Variants in DNM2 observed in about 807,000 individuals in gnomAD.
DNM2 encodes the protein dynamin 2.
Under a neutral mutation model 99.0 loss-of-function variants are expected in DNM2, and 15 were observed. That is an observed-to-expected ratio of 0.15 (90% CI 0.10 to 0.23). The LOEUF is 0.23. Ranked by LOEUF, DNM2 falls within the 10% of genes least tolerant of loss-of-function variation. The pLI is 1.00. For missense variants in DNM2, 742 were observed against 1,189.4 expected (o/e 0.62, Z 5.53); for synonymous variants, 525 against 481.2 (o/e 1.09, Z -1.19).
In DNM2 at chr19:10,750,403, C is replaced by T. The variant is rs190469858; in HGVS notation, c.162-9335C>T. Among the ~76,000 whole-genome samples, 219 of 151,924 alleles carry T rather than the reference C, an allele frequency of 1.4e-3. 2 individuals are homozygous for T. The highest frequency in any genetic ancestry group is 4.5e-3 in the African/African-American group (188 of 41,432). On this transcript the variant is annotated intron_variant, in intron 1 of 20. Transcript: ENST00000389253. ...CTGAGGTGGGAAGTTCACTAGGGTC[C>T]GGGAGTTCAAGGCTGCAGTGAGGTA...
intron 1 of DNM2, among the ~76,000 whole-genome samples, chr19:10,735,086 C>T (rs935783694): frequency 5.9e-5 from 9 of 151,940 alleles, no homozygotes; most frequent in African/African-American, 1.9e-4. Flanking sequence ...CTCTGTCGCC[C>T]AGGCTGGAGT....
At chr19:10,801,473 G>A (rs2072139691) in intron 11 of DNM2, among the ~76,000 whole-genome samples, 1 of 151,822 alleles carries the variant, frequency 6.6e-6, no homozygotes, top group Admixed American at 6.6e-5. Flanking sequence ...AGAAAAATCA[G>A]CCAGGTGTGG....
chr19:10,824,217 G>T, intron 17 of DNM2: 1 of 382,994 alleles, frequency 2.6e-6, no homozygotes, highest in Non-Finnish European at 5.0e-6. Context: ...AAAATGCCTT[G>T]CCGGGCACGG....
chr19:10,819,864 G>A (rs893559629), intron 15 of DNM2, 116 bp from the exon 16 acceptor site: 105 of 919,964 alleles, frequency 1.1e-4, no homozygotes, highest in African/African-American at 2.1e-4. Context: ...ATACAGCAGC[G>A]ACCAGCATTG....
intron 4 of DNM2, 84 bp from the exon 5 acceptor site, chr19:10,777,034 A>T: frequency 2.2e-6 from 3 of 1,378,624 alleles, no homozygotes; most frequent in Non-Finnish European, 3.1e-6. Context: ...TTCAGGGCCA[A>T]CTGGACCCCA....
chr19:10,807,134 G>A (rs1004928272), intron 13 of DNM2, among the ~76,000 whole-genome samples: 8 of 152,198 alleles, frequency 5.3e-5, no homozygotes, highest in South Asian at 2.1e-4. Context: ...GTGCAGTGGC[G>A]CAATCTTGGC....
rs999395316 is a variant in DNM2 at position 10,831,641 on chromosome 19, G to A, written c.*594G>A. On this transcript the variant is annotated 3_prime_UTR_variant, in exon 21 of 21. Transcript: ENST00000389253. The surrounding 1 kb of genome is among the most constrained non-coding windows in gnomAD (Gnocchi z 4.3). ...AGGTGCCTTTGCTAGGCCCGGAGCC[G>A]TTGGCCCGGGCCGGCCTTGCCCTAT... The A allele has an allele frequency of 2.2e-5, 22 of 985,982 alleles. No individual in the cohort carries two copies. The highest frequency in any genetic ancestry group is 1.4e-4 in the African/African-American group (8 of 57,208). The allele number at this position is 985,982 out of a possible 1,614,324, so 61.1% of individuals were successfully genotyped here.
intron 1 of DNM2, among the ~76,000 whole-genome samples, chr19:10,745,585 T>C (rs1382208244): frequency 1.3e-5 from 2 of 152,160 alleles, no homozygotes; most frequent in Non-Finnish European, 2.9e-5. Context: ...TAGTCCGAGC[T>C]ACTCAGGAGG....
chr19:10,768,907 G>A (rs2070886953), intron 2 of DNM2: 1 of 152,366 alleles, frequency 6.6e-6, no homozygotes, highest in East Asian at 1.9e-4. Flanking sequence ...TTGTCAGATG[G>A]TAGTAAGTGT....
At chr19:10,754,504 G>A (rs901290370) in intron 1 of DNM2, among the ~76,000 whole-genome samples, 4 of 152,120 alleles carry the variant, frequency 2.6e-5, no homozygotes, top group African/African-American at 9.7e-5. Flanking sequence ...GCCCGCCTCA[G>A]CCTCCCAAAG....
At chr19:10,747,495 C>T (rs996303262) in intron 1 of DNM2, among the ~76,000 whole-genome samples, 1 of 152,144 alleles carries the variant, frequency 6.6e-6, no homozygotes, top group Non-Finnish European at 1.5e-5. Context: ...GGCCTCGAGC[C>T]GGGAGCTGCA....
At chr19:10,722,217 C>CT (rs1313959463) in intron 1 of DNM2, among the ~76,000 whole-genome samples, 3 of 152,160 alleles carry the variant, frequency 2.0e-5, no homozygotes, top group Admixed American at 6.5e-5. Context: ...TCCCATCAGA[C>CT]TAAGAGTGGC....
chr19:10,794,707 C>T (rs2071873397), intron 8 of DNM2, among the ~76,000 whole-genome samples: 1 of 151,190 alleles, frequency 6.6e-6, no homozygotes, highest in South Asian at 2.1e-4. Context: ...ATGGCACCAC[C>T]GCACTCCAGC....
At chr19:10,719,525 T>C (rs1307540617) in intron 1 of DNM2, among the ~76,000 whole-genome samples, 2 of 152,068 alleles carry the variant, frequency 1.3e-5, no homozygotes, top group Non-Finnish European at 2.9e-5. Flanking sequence ...CTCCACTCTC[T>C]GGGGCTGTTT....
intron 1 of DNM2, among the ~76,000 whole-genome samples, chr19:10,727,485 C>T (rs1015440692): frequency 6.6e-6 from 1 of 152,086 alleles, no homozygotes; most frequent in African/African-American, 2.4e-5. Flanking sequence ...CCCACTTCAG[C>T]CTCCCAATTA....
chr19:10,718,248 C>T lies in DNM2; in HGVS notation c.6C>T (p.Gly2=). M[G]NRGMEELIPL... Reference sequence around the variant, plus strand: ...GGCCGGGGGCCGCCGGCGCCATGGGCAACCGCGGGATGGAAGAGCTGATCC... The same window carrying T: ...GGCCGGGGGCCGCCGGCGCCATGGGTAACCGCGGGATGGAAGAGCTGATCC... Residue 2 remains glycine, a synonymous_variant, in exon 1 of 21, where the codon GGC becomes GGT. Transcript: ENST00000389253. The T allele has an allele frequency of 6.8e-7, 1 of 1,480,338 alleles. No individual in the cohort carries two copies. The highest frequency in any genetic ancestry group is 1.3e-5 in the South Asian group (1 of 77,540). The allele number at this position is 1,480,338 out of a possible 1,614,324, so 91.7% of individuals were successfully genotyped here. A position where few individuals can be genotyped will look rare whatever the true frequency, so the allele number is the denominator to read the frequency against.
chr19:10,829,019 C>A lies in DNM2; in HGVS notation c.2059-17C>A. The A allele has an allele frequency of 6.2e-7, 1 of 1,609,988 alleles. No homozygotes were observed. ...GGGTGATACACAAGCCTGACCCTCC[C>A]CAACCCCTGCCCGCAGACGAAGGCC... On this transcript the variant is annotated splice_polypyrimidine_tract_variant and intron_variant, in intron 18 of 20. Transcript: ENST00000389253.
chr19:10,776,011 C>T (rs750616151), intron 4 of DNM2, 105 bp downstream of exon 4: 14 of 1,426,724 alleles, frequency 9.8e-6, no homozygotes, highest in East Asian at 9.8e-5. Context: ...AATCCATGGC[C>T]GCTGTAGGAA....
chr19:10,820,505 C>T lies in DNM2; in HGVS notation c.1781+416C>T, dbSNP rs375029061. Among the ~76,000 whole-genome samples the T allele has an allele frequency of 2.1e-3, 313 of 152,340 alleles. 2 individuals are homozygous for T. The highest frequency in any genetic ancestry group is 7.2e-3 in the African/African-American group (298 of 41,586). ...CCAGAACCCATAGGGAAGGAGGGTGCAGATTCTGGGTAGAAGAGTCAGGCG... is the reference window on the plus strand; with the variant it reads ...CCAGAACCCATAGGGAAGGAGGGTGTAGATTCTGGGTAGAAGAGTCAGGCG... On this transcript the variant is annotated intron_variant, in intron 16 of 20. Coordinates refer to ENST00000389253, the MANE Select transcript of DNM2 (RefSeq NM_001005361.3). The surrounding 1 kb of genome is among the most constrained non-coding windows in gnomAD (Gnocchi z 4.3).
Sources: gnomAD v4.1 joint callset for allele counts (sites outside exome capture counted in the v4.1 genomes callset) on GRCh38, gnomAD v4.1.1 for gene constraint, Gnocchi (gnomAD v3.1) non-coding constraint, MANE v1.5 for transcripts, NCBI Gene and HGNC (gene_info 2026-07-23, HGNC 2026-07-21) for gene names.